Variants in ATP8A2 observed in about 807,000 individuals in gnomAD.
ATP8A2 encodes phospholipid-transporting ATPase IB.
Under a neutral mutation model 165.6 loss-of-function variants are expected in ATP8A2, and 100 were observed. That is an observed-to-expected ratio of 0.60 (90% CI 0.51 to 0.71). The LOEUF (loss-of-function observed/expected upper bound fraction) is 0.71, where lower values mean the gene tolerates loss of function less well. Ranked by LOEUF, ATP8A2 falls within the 30% of genes least tolerant of loss-of-function variation. ATP8A2 has a pLI of 0.00. For missense variants in ATP8A2, 1,227 were observed against 1,479.5 expected (o/e 0.83, Z 2.80); for synonymous variants, 543 against 548.8 (o/e 0.99, Z 0.15).
intron 24 of ATP8A2, among the ~76,000 whole-genome samples, chr13:25,619,674 A>G (rs2040919324): frequency 6.6e-6 from 1 of 152,250 alleles, no homozygotes; most frequent in Non-Finnish European, 1.5e-5. Flanking sequence ...GAAAGGTTGA[A>G]TAGTATATTA....
At position 26,023,258 on chromosome 13, in the gene ATP8A2, ACT is replaced by A. The variant is rs893145742; in HGVS notation, c.*3276_*3277del. On this transcript the variant is annotated 3_prime_UTR_variant, in exon 37 of 37. Coordinates refer to ENST00000381655, the MANE Select transcript of ATP8A2 (RefSeq NM_016529.6). Reference sequence around the variant, plus strand: ...CACACATGAAAACAAAAACATGGTAACTCTTTTGGTTCGGCACACCATACAAA... The same window carrying A: ...CACACATGAAAACAAAAACATGGTAACTTTTGGTTCGGCACACCATACAAA... 3.9e-5 allele frequency: 6 copies of A among 152,066 alleles called. No individual in the cohort carries two copies. Among genetic ancestry groups the A allele is most frequent in the Non-Finnish European group, 8.8e-5 (6 of 68,022 alleles). The allele number at this position is 152,066 out of a possible 1,614,324, so 9.4% of individuals were successfully genotyped here. A position where few individuals can be genotyped will look rare whatever the true frequency, so the allele number is the denominator to read the frequency against.
rs2038433395 is a variant in ATP8A2 at position 25,540,374 on chromosome 13, C to T, written c.637C>T (p.Leu213Phe). The T allele has an allele frequency of 1.2e-6, 2 of 1,612,940 alleles. No individual in the cohort carries two copies. The highest frequency in any genetic ancestry group is 1.7e-6 in the Non-Finnish European group (2 of 1,178,986). The stretch of plus-strand genomic sequence containing the variant: ...AGCTAATCTGGATGGGGAGACGAAC[C>T]TTAAAATACGTCAGGTAAAGTCACC... ...ETANLDGETN[L>F]KIRQGLSHTA... The change falls in exon 8 of 37, where the codon CTT (leucine) becomes TTT (phenylalanine). Residue 213 changes from leucine (L) to phenylalanine (F), a missense_variant. Coordinates refer to ENST00000381655, the MANE Select transcript of ATP8A2 (RefSeq NM_016529.6).
chr13:25,873,721 C>T (rs1430547704), intron 33 of ATP8A2: 2 of 151,838 alleles, frequency 1.3e-5, no homozygotes, highest in African/African-American at 4.9e-5. Flanking sequence ...TCACTGCAAG[C>T]TCCGCCTCCC....
chr13:25,900,345 G>T (rs1376288703), intron 33 of ATP8A2, among the ~76,000 whole-genome samples: 2 of 152,176 alleles, frequency 1.3e-5, no homozygotes, highest in African/African-American at 2.4e-5. Context: ...ACATGAAAAG[G>T]TGCAGTGGAG....
In ATP8A2 at chr13:25,551,351, C is replaced by A. The variant is rs546393054; in HGVS notation, c.905C>A (p.Ala302Glu). The A allele has an allele frequency of 6.2e-7, 1 of 1,613,350 alleles. No individual in the cohort carries two copies. Among genetic ancestry groups the A allele is most frequent in the Non-Finnish European group, 8.5e-7 (1 of 1,179,514 alleles). The change falls in exon 11 of 37, where the codon GCG becomes GAG. Residue 302 changes from alanine to glutamate, a missense_variant. Ala to Glu is a moderately radical substitution (Grantham distance 107). Around this residue, in one of 5 missense-constraint regions of ATP8A2, gnomAD observed 356 missense variants for 394.9 expected, o/e 0.90. Coordinates refer to ENST00000381655, the MANE Select transcript of ATP8A2 (RefSeq NM_016529.6). ...GCTGTTGTGTAGAATTCAACCAAAGCGCCTCTCAAGAGATCAAATGTTGAG... is the reference window on the plus strand; with the variant it reads ...GCTGTTGTGTAGAATTCAACCAAAGAGCCTCTCAAGAGATCAAATGTTGAG... ...DTKLMQNSTK[A>E]PLKRSNVEKV...
At chr13:25,696,383 G>A (rs1022212538) in intron 24 of ATP8A2, among the ~76,000 whole-genome samples, 1 of 152,192 alleles carries the variant, frequency 6.6e-6, no homozygotes, top group African/African-American at 2.4e-5. Context: ...TTTAAAGCTT[G>A]GGATTGACTT....
intron 8 of ATP8A2, among the ~76,000 whole-genome samples, 181 bp from the exon 9 acceptor site, chr13:25,541,738 G>A (rs2038483414): frequency 6.6e-6 from 1 of 152,110 alleles, no homozygotes; most frequent in African/African-American, 2.4e-5. Context: ...GCATTAGATC[G>A]TTGTGGCAAA....
intron 7 of ATP8A2, among the ~76,000 whole-genome samples, chr13:25,539,021 T>G (rs2038378317): frequency 6.6e-6 from 1 of 152,006 alleles, no homozygotes; most frequent in South Asian, 2.1e-4. Flanking sequence ...TAGTTCGGGC[T>G]TTAAGTCTTT....
chr13:25,856,533 A>G (rs1271283253), intron 30 of ATP8A2, among the ~76,000 whole-genome samples: 1 of 152,242 alleles, frequency 6.6e-6, no homozygotes, highest in Non-Finnish European at 1.5e-5. Context: ...CCTTAAATTT[A>G]CATCAATTAA....
intron 25 of ATP8A2, among the ~76,000 whole-genome samples, chr13:25,762,994 A>G (rs1271186162): frequency 1.3e-5 from 2 of 152,156 alleles, no homozygotes; most frequent in Non-Finnish European, 2.9e-5. Flanking sequence ...CCTCTTTTAT[A>G]TTCAGATGTG....
chr13:25,430,995 A>AC (rs1555269633), intron 1 of ATP8A2, among the ~76,000 whole-genome samples: 7 of 151,096 alleles, frequency 4.6e-5, no homozygotes, highest in African/African-American at 1.5e-4. Flanking sequence ...TCCTTCCTAA[A>AC]ACACACACAC....
At chr13:25,595,086 A>T (rs1046409646) in intron 24 of ATP8A2, among the ~76,000 whole-genome samples, 3 of 151,816 alleles carry the variant, frequency 2.0e-5, no homozygotes, top group Non-Finnish European at 4.4e-5. Flanking sequence ...AATTAATGGC[A>T]TTTGCCAAGG....
At chr13:25,424,678 C>T (rs936913951) in intron 1 of ATP8A2, among the ~76,000 whole-genome samples, 35 of 152,150 alleles carry the variant, frequency 2.3e-4, no homozygotes, top group African/African-American at 8.2e-4. Context: ...GATGGCTTGG[C>T]CAGGCGCGGT....
At chr13:25,952,044 G>C (rs1188780519) in intron 33 of ATP8A2, among the ~76,000 whole-genome samples, 1 of 152,086 alleles carries the variant, frequency 6.6e-6, no homozygotes, top group Admixed American at 6.5e-5. Flanking sequence ...TCGGGTGTGT[G>C]GGTGGTTTTT....
chr13:25,430,995 AACACACACACACACACATATATAT>A (rs1566127074), intron 1 of ATP8A2, among the ~76,000 whole-genome samples: 2 of 151,096 alleles, frequency 1.3e-5, no homozygotes, highest in African/African-American at 2.4e-5. Context: ...TCCTTCCTAA[AACACACACACACACACATATATAT>A]ACACACACAC....
chr13:25,626,062 A>G (rs1286997527), intron 24 of ATP8A2, among the ~76,000 whole-genome samples: 2 of 152,220 alleles, frequency 1.3e-5, no homozygotes, highest in Non-Finnish European at 2.9e-5. Context: ...GAAGATGAAT[A>G]CTGGATACTC....
chr13:25,916,540 G>A lies in ATP8A2; in HGVS notation c.3184-45035G>A, dbSNP rs77693722. On this transcript the variant is annotated intron_variant, in intron 33 of 36. Transcript: ENST00000381655. ...CACCAGCCCGCTGCAGAATCTTGTC[G>A]ATTGCACTGATCAGACATAAAGTTA... 3.2e-3 allele frequency among the ~76,000 whole-genome samples: 490 copies of A among 152,296 alleles called. 3 individuals carry two copies. Among genetic ancestry groups the A allele is most frequent in the African/African-American group, 0.011 (462 of 41,546 alleles).
At chr13:25,463,991 T>A (rs745964539) in intron 1 of ATP8A2, among the ~76,000 whole-genome samples, 6 of 152,170 alleles carry the variant, frequency 3.9e-5, no homozygotes, top group Non-Finnish European at 7.3e-5. Context: ...TTCTGTTCTT[T>A]CTCCAACCCC....
At chr13:25,977,915 G>T (rs1472006587) in intron 35 of ATP8A2, among the ~76,000 whole-genome samples, 1 of 152,200 alleles carries the variant, frequency 6.6e-6, no homozygotes, top group Non-Finnish European at 1.5e-5. Context: ...CGGTTTGCTA[G>T]TAACACGGCC....
Sources: allele counts gnomAD v4.1 joint callset (sites outside exome capture counted in the v4.1 genomes callset), GRCh38; gene constraint gnomAD v4.1.1; regional missense constraint gnomAD v4.1.1; transcripts MANE v1.5; gene names NCBI Gene and HGNC (gene_info 2026-07-23, HGNC 2026-07-21).